Variants in NXPE2 observed in about 807,000 individuals in gnomAD.
NXPE2 encodes the protein neurexophilin and PC-esterase domain family member 2, also known as NXPE family member 2.
In NXPE2, 34 loss-of-function variants were observed where a neutral mutation model predicts 34.4. The ratio of observed to expected loss-of-function variants is 0.99; its 90% CI spans 0.75 to 1.31. NXPE2 has a LOEUF of 1.31. NXPE2 is among the 40% of genes most tolerant of loss of function. The pLI, the probability that NXPE2 is intolerant of heterozygous loss-of-function variation, is 0.00. For missense variants in NXPE2, 649 were observed against 672.5 expected (o/e 0.97, Z 0.39); for synonymous variants, 235 against 231.3 (o/e 1.02, Z -0.15).
At chr11:114,731,635 C>T in the NXPE2 span, among the ~76,000 whole-genome samples, 2 of 152,118 alleles carry the variant, frequency 1.3e-5, no homozygotes, top group Non-Finnish European at 2.9e-5. Context: ...AGTTTACATA[C>T]TGTATTGTTT....
the NXPE2 span, among the ~76,000 whole-genome samples, chr11:114,639,360 T>G: frequency 6.6e-6 from 1 of 151,984 alleles, no homozygotes; most frequent in Non-Finnish European, 1.5e-5. Context: ...ATTTTCCAGG[T>G]GCCGTCTGTT....
At chr11:114,689,179 G>A (rs912848154) in intron 2 of NXPE2, among the ~76,000 whole-genome samples, 1 of 151,956 alleles carries the variant, frequency 6.6e-6, no homozygotes, top group Non-Finnish European at 1.5e-5. Flanking sequence ...GTGAAGTTAG[G>A]TTAGTAATTT....
At chr11:114,517,495 T>C in the NXPE2 span, among the ~76,000 whole-genome samples, 1 of 152,250 alleles carries the variant, frequency 6.6e-6, no homozygotes, top group South Asian at 2.1e-4. Flanking sequence ...ATTTCTGAAA[T>C]GTGCTGTGTC....
chr11:114,580,273 C>T, the NXPE2 span: 1 of 1,614,056 alleles, frequency 6.2e-7, no homozygotes, highest in Admixed American at 1.7e-5. Flanking sequence ...TTTCTCCAGA[C>T]ATGCCCACTG....
chr11:114,766,465 T>C, the NXPE2 span, among the ~76,000 whole-genome samples: 1 of 152,172 alleles, frequency 6.6e-6, no homozygotes, highest in African/African-American at 2.4e-5. Flanking sequence ...CCTCTTTCTC[T>C]AGAAATGCTC....
At chr11:114,579,320 G>C in the NXPE2 span, among the ~76,000 whole-genome samples, 4 of 152,158 alleles carry the variant, frequency 2.6e-5, no homozygotes, top group Non-Finnish European at 5.9e-5. Context: ...CTTCCCACTA[G>C]GTCCCACCTC....
the NXPE2 span, among the ~76,000 whole-genome samples, chr11:114,766,733 CATCTCACTGTGACT>C: frequency 3.2e-4 from 48 of 152,234 alleles, no homozygotes; most frequent in African/African-American, 1.2e-3. Flanking sequence ...AAGTTTTCCT[CATCTCACTGTGACT>C]AGAGTCAGTC....
At chr11:114,725,976 A>AAAAAATATATATATATATATATATAT in the NXPE2 span, among the ~76,000 whole-genome samples, 3 of 101,752 alleles carry the variant, frequency 2.9e-5, no homozygotes, top group East Asian at 3.6e-4. Flanking sequence ...ATAAAAAAAA[A>AAAAAATATATATATATATATATATAT]ATATATATAT....
At chr11:114,614,380 A>G in the NXPE2 span, among the ~76,000 whole-genome samples, 2 of 151,654 alleles carry the variant, frequency 1.3e-5, no homozygotes, top group Non-Finnish European at 1.5e-5. Context: ...TACCTGGTGG[A>G]TAATAAGTGT....
At chr11:114,638,429 A>G in the NXPE2 span, among the ~76,000 whole-genome samples, 1 of 151,828 alleles carries the variant, frequency 6.6e-6, no homozygotes, top group Non-Finnish European at 1.5e-5. Context: ...TGTAGCTCAG[A>G]GTAGTTTGAT....
At chr11:114,674,164 G>T (rs1165026907), upstream of NXPE2, among the ~76,000 whole-genome samples, 1 of 151,752 alleles carries the variant, frequency 6.6e-6, no homozygotes, top group Non-Finnish European at 1.5e-5. Context: ...AAATGCCTTA[G>T]TAGTCTTTTA....
the NXPE2 span, among the ~76,000 whole-genome samples, chr11:114,471,686 C>T: frequency 1.3e-5 from 2 of 152,162 alleles, no homozygotes; most frequent in East Asian, 3.9e-4. Flanking sequence ...TGCCAATGGT[C>T]ATTTCCTATT....
chr11:114,666,621 A>T, the NXPE2 span, among the ~76,000 whole-genome samples: 1 of 152,162 alleles, frequency 6.6e-6, no homozygotes, highest in African/African-American at 2.4e-5. Flanking sequence ...ATATGGCCTT[A>T]AATCATATAA....
the NXPE2 span, among the ~76,000 whole-genome samples, chr11:114,751,818 A>T: frequency 7.2e-5 from 11 of 152,182 alleles, no homozygotes; most frequent in Non-Finnish European, 1.5e-4. Flanking sequence ...GGCAGGCCCT[A>T]TGTAATCATG....
chr11:114,504,993 A>G, the NXPE2 span, among the ~76,000 whole-genome samples: 1 of 152,212 alleles, frequency 6.6e-6, no homozygotes, highest in Non-Finnish European at 1.5e-5. Flanking sequence ...ATTATGATAA[A>G]GCATTGCAGG....
chr11:114,487,249 A>G, the NXPE2 span, among the ~76,000 whole-genome samples: 1 of 152,024 alleles, frequency 6.6e-6, no homozygotes, highest in Non-Finnish European at 1.5e-5. Flanking sequence ...AATTTTATTT[A>G]TAACTATTGT....
chr11:114,810,342 A>G, the NXPE2 span, among the ~76,000 whole-genome samples: 1 of 145,312 alleles, frequency 6.9e-6, no homozygotes, highest in Admixed American at 7.0e-5. Flanking sequence ...TTGACAAATG[A>G]GATCTAATTA....
chr11:114,566,190 A>G, the NXPE2 span, among the ~76,000 whole-genome samples: 1 of 152,198 alleles, frequency 6.6e-6, no homozygotes, highest in Non-Finnish European at 1.5e-5. Context: ...AGAGCTGGAG[A>G]CAAATACTTA....
chr11:114,583,909 C>T, the NXPE2 span: 3 of 393,942 alleles, frequency 7.6e-6, no homozygotes, highest in Admixed American at 9.5e-5. Flanking sequence ...CTGGCAAAGG[C>T]AGATATTATG....
Sources: gnomAD v4.1 joint callset for allele counts (sites outside exome capture counted in the v4.1 genomes callset) on GRCh38, gnomAD v4.1.1 for gene constraint, MANE v1.5 for transcripts, NCBI Gene and HGNC (gene_info 2026-07-23, HGNC 2026-07-21) for gene names.